Variants in USHBP1 observed in about 807,000 individuals in gnomAD.
USHBP1 encodes harmonin-binding protein USHBP1.
USHBP1 carries 67 observed loss-of-function variants against 76.2 expected under a neutral mutation model. The ratio of observed to expected loss-of-function variants is 0.88; its 90% CI spans 0.72 to 1.08. USHBP1 has a LOEUF of 1.08. Among genes scored for constraint, USHBP1 ranks in the 50% least tolerant of loss-of-function variants. The pLI, the probability that USHBP1 is intolerant of heterozygous loss-of-function variation, is 0.00. For missense variants in USHBP1, 931 were observed against 915.0 expected (o/e 1.02, Z -0.23); for synonymous variants, 322 against 362.2 (o/e 0.89, Z 1.26).
chr19:17,250,942 C>A (rs926228742), intron 12 of USHBP1, among the ~76,000 whole-genome samples: 1 of 152,048 alleles, frequency 6.6e-6, no homozygotes, highest in Non-Finnish European at 1.5e-5. Context: ...CTCACTGCAA[C>A]CTCTGCCTCC....
chr19:17,250,811 C>T (rs2073541348), intron 12 of USHBP1, among the ~76,000 whole-genome samples: 1 of 152,132 alleles, frequency 6.6e-6, no homozygotes, highest in South Asian at 2.1e-4. Flanking sequence ...GCCTCAGCCT[C>T]CCAAAGTGCT....
intron 4 of USHBP1, among the ~76,000 whole-genome samples, chr19:17,261,248 G>A (rs879851993): frequency 1.8e-4 from 27 of 151,868 alleles, no homozygotes; most frequent in African/African-American, 5.3e-4. Flanking sequence ...GGCCTCCTTC[G>A]GGTTTCTTGA....
At chr19:17,255,051 C>T (rs925535923) in intron 10 of USHBP1, among the ~76,000 whole-genome samples, 3 of 151,818 alleles carry the variant, frequency 2.0e-5, no homozygotes, top group South Asian at 2.1e-4. Flanking sequence ...TGGAGGCAGG[C>T]GAAACATTTG....
chr19:17,258,332 G>C lies in USHBP1; in HGVS notation c.1100C>G (p.Ser367Ter). ...RVLLALREAD[S>*]GAGDEAPMSD... ...CATGGGGGCTTCGTCTCCTGCTCCT[G>C]AGTCGGCCTCCCGCAGAGCAAGCAG... The change falls in exon 8 of 13, where the codon TCA becomes TGA. Residue 367 changes from serine to a stop codon, truncating the protein, a stop_gained. Coordinates refer to ENST00000252597, the MANE Select transcript of USHBP1 (RefSeq NM_031941.4). LOFTEE classifies it high-confidence loss of function. 1 of 1,614,078 alleles carries C rather than the reference G, an allele frequency of 6.2e-7. No homozygotes were observed.
Position 17,255,444 on chromosome 19 carries a change from T to G in USHBP1, c.1633A>C (p.Ser545Arg), listed in dbSNP as rs1469216612. The G allele has an allele frequency of 6.2e-7, 1 of 1,614,156 alleles. No individual in the cohort carries two copies. The highest frequency in any genetic ancestry group is 8.5e-7 in the Non-Finnish European group (1 of 1,180,004). Residue 545 changes from serine (S) to arginine (R), a missense_variant, in exon 10 of 13, where the codon AGC (serine) becomes CGC (arginine). Coordinates refer to ENST00000252597, the MANE Select transcript of USHBP1 (RefSeq NM_031941.4). ...CCTCCGCTGCTATGTCCGCCACTGC[T>G]GTTTGCCCCACCAGCCTGGAGCTCT... Reference protein sequence around the residue: ...RAELQAGGANSSGGHSSGGGS... With the variant: ...RAELQAGGANRSGGHSSGGGS...
At chr19:17,255,248 C>T in intron 10 of USHBP1, 137 bp downstream of exon 10, 1 of 973,694 alleles carries the variant, frequency 1.0e-6, no homozygotes, top group Non-Finnish European at 1.5e-6. Context: ...GCCGAGATTG[C>T]AACATTGCAT....
chr19:17,254,521 T>A (rs1306474915), intron 10 of USHBP1, among the ~76,000 whole-genome samples: 1 of 151,548 alleles, frequency 6.6e-6, no homozygotes, highest in Non-Finnish European at 1.5e-5. Context: ...CCGGGCGTGG[T>A]GGCGCGTGCC....
At chr19:17,254,466 A>C (rs1195439214) in intron 10 of USHBP1, among the ~76,000 whole-genome samples, 1 of 150,216 alleles carries the variant, frequency 6.7e-6, no homozygotes, top group Admixed American at 6.6e-5. Context: ...GACCAGCCTT[A>C]GTAACATGGG....
chr19:17,252,352 G>A (rs545180741), intron 10 of USHBP1, among the ~76,000 whole-genome samples: 1 of 152,006 alleles, frequency 6.6e-6, no homozygotes, highest in South Asian at 2.1e-4. Flanking sequence ...CATGCCACCA[G>A]ACCCGGCTAC....
rs1270225805 is a variant in USHBP1, at chr19:17,249,860, C to G, written c.*365G>C. On this transcript the variant is annotated 3_prime_UTR_variant, in exon 13 of 13. Coordinates refer to ENST00000252597, the MANE Select transcript of USHBP1 (RefSeq NM_031941.4). ...CTGCCAGGAGAAGCTCTGTCCAGTC[C>G]CCATGAATCCCTCCCTGGGCTTCGG... is the stretch of plus-strand genomic sequence containing the variant. 3.7e-6 allele frequency: 1 copy of G among 267,148 alleles called. No homozygotes were observed. The highest frequency in any genetic ancestry group is 1.3e-4 in the East Asian group (1 of 7,578). 16.5% of individuals were successfully genotyped at this position (267,148 alleles called of 1,614,324 possible).
rs2073704648 is a variant in USHBP1, at chr19:17,262,694, C to G, written c.500G>C (p.Gly167Ala). ...GCGAGCTGCCTCTCGCTGGCAGCTC[C>G]CTGCCCCTTCCTGCTTCCCAAGGGA... is the stretch of plus-strand genomic sequence containing the variant. Reference protein sequence around the residue: ...AGSLGKQEGAGSCQREAARLA... With the variant: ...AGSLGKQEGAASCQREAARLA... The change falls in exon 4 of 13, where the codon GGG becomes GCG. Residue 167 changes from glycine (G) to alanine (A), a missense_variant. By Grantham distance (60) the Gly-to-Ala change is moderately conservative. Transcript: ENST00000252597. The G allele has an allele frequency of 6.2e-7, 1 of 1,614,068 alleles. No homozygotes were observed. The highest frequency in any genetic ancestry group is 2.2e-5 in the East Asian group (1 of 44,890).
chr19:17,256,720 GC>G lies in USHBP1; in HGVS notation c.1221-1del, dbSNP rs538065578. The G allele has an allele frequency of 5.6e-6, 9 of 1,614,108 alleles. No individual in the cohort carries two copies. In the South Asian group the frequency reaches 8.8e-5, roughly 16 times the overall value. ...GCTTATCCACACTGCTGCCTTCAGGGCTATAGAAAACAGAAAAGGTGCCTAT... is the reference window on the plus strand; with the variant it reads ...GCTTATCCACACTGCTGCCTTCAGGGTATAGAAAACAGAAAAGGTGCCTAT... On this transcript the variant is annotated splice_acceptor_variant, in intron 8 of 12. Transcript: ENST00000252597. LOFTEE classifies it high-confidence loss of function.
At position 17,251,688 on chromosome 19, in the gene USHBP1, C is replaced by A; in HGVS notation, c.1816G>T (p.Glu606Ter). Reference protein sequence around the residue: ...ASLTRTLDLQEQLQSLRRELE... With the variant: ...ASLTRTLDLQ ...TCCCTGCGCAGAGACTGCAGCTGCT[C>A]CTGCAGGTCCAGTGTCCTGTTGCGA... The change falls in exon 12 of 13, where the codon GAG (glutamate) becomes TAG (stop). Residue 606 changes from glutamate (E) to a stop codon, truncating the protein, a stop_gained. Transcript: ENST00000252597. LOFTEE classifies it high-confidence loss of function. 1 of 1,613,448 alleles carries A rather than the reference C, an allele frequency of 6.2e-7. No individual in the cohort carries two copies. Among genetic ancestry groups the A allele is most frequent in the Non-Finnish European group, 8.5e-7 (1 of 1,179,998 alleles).
rs887200433 is a variant in USHBP1 at position 17,249,924 on chromosome 19, C to A, written c.*301G>T. 8.1e-6 allele frequency: 3 copies of A among 368,246 alleles called. No homozygotes were observed. Among genetic ancestry groups the A allele is most frequent in the Non-Finnish European group, 1.5e-5 (3 of 201,946 alleles). The allele number at this position is 368,246 out of a possible 1,614,324, so 22.8% of individuals were successfully genotyped here. On this transcript the variant is annotated 3_prime_UTR_variant, in exon 13 of 13. Coordinates refer to ENST00000252597, the MANE Select transcript of USHBP1 (RefSeq NM_031941.4). ...TGGAACTTCAGCTGTGGCTATGCAA[C>A]CTCACGGACCCCCGAAATGCGTCAG... is the stretch of plus-strand genomic sequence containing the variant.
rs562574825 is a variant in USHBP1, at chr19:17,249,944, C to T, written c.*281G>A. 9.3e-6 allele frequency: 4 copies of T among 432,208 alleles called. No individual in the cohort carries two copies. Among genetic ancestry groups the T allele is most frequent in the Non-Finnish European group, 1.7e-5 (4 of 241,264 alleles). 26.8% of individuals were successfully genotyped at this position (432,208 alleles called of 1,614,324 possible). ...TGCAACCTCACGGACCCCCGAAATG[C>T]GTCAGTCCCAGGGACCTGGTCCCAT... is the stretch of plus-strand genomic sequence containing the variant. On this transcript the variant is annotated 3_prime_UTR_variant, in exon 13 of 13. Coordinates refer to ENST00000252597, the MANE Select transcript of USHBP1 (RefSeq NM_031941.4).
At chr19:17,259,552 G>A in intron 6 of USHBP1, 44 bp downstream of exon 6, 3 of 1,602,244 alleles carry the variant, frequency 1.9e-6, no homozygotes, top group Middle Eastern at 1.7e-4. Context: ...CTCAGTTGGA[G>A]GAGGTGCCTG....
In USHBP1 at chr19:17,262,730, C is replaced by A; in HGVS notation, c.464G>T (p.Gly155Val). Reference sequence around the variant, plus strand: ...CTGCTTCCCAAGGGAACCTGCTCCCCCTTCGCTTGTGCCTTCGAACTCCAT... The same window carrying A: ...CTGCTTCCCAAGGGAACCTGCTCCCACTTCGCTTGTGCCTTCGAACTCCAT... ...GPMEFEGTSE[G>V]GAGSLGKQEG... The change falls in exon 4 of 13, where the codon GGG (glycine) becomes GTG (valine). Residue 155 changes from glycine (G) to valine (V), a missense_variant. Transcript: ENST00000252597. 3 of 1,614,258 alleles carry A rather than the reference C, an allele frequency of 1.9e-6. No individual in the cohort carries two copies. The highest frequency in any genetic ancestry group is 2.5e-6 in the Non-Finnish European group (3 of 1,180,048).
chr19:17,250,511 T>C (rs1364329620), intron 12 of USHBP1, 97 bp from the exon 13 acceptor site: 3 of 1,402,350 alleles, frequency 2.1e-6, no homozygotes, highest in East Asian at 2.3e-5. Context: ...CTCTTTCACA[T>C]TGGGTCTCCA....
chr19:17,262,584 T>G lies in USHBP1; in HGVS notation c.610A>C (p.Ile204Leu), dbSNP rs368680969. Residue 204 changes from isoleucine to leucine, a missense_variant, in exon 4 of 13, where the codon ATC becomes CTC. Transcript: ENST00000252597. Reference protein sequence around the residue: ...LVRTQASLEAIRAEKETLQKE... With the variant: ...LVRTQASLEALRAEKETLQKE... ...TGCAGCGTCTCCTTCTCAGCTCGGATGGCCTCCAGGGAGGCCTGCGTGCGG... is the reference window on the plus strand; with the variant it reads ...TGCAGCGTCTCCTTCTCAGCTCGGAGGGCCTCCAGGGAGGCCTGCGTGCGG... The G allele has an allele frequency of 3.1e-6, 5 of 1,610,742 alleles. No homozygotes were observed. Among genetic ancestry groups the G allele is most frequent in the Non-Finnish European group, 3.4e-6 (4 of 1,177,790 alleles).
Sources: gnomAD v4.1 joint callset for allele counts (sites outside exome capture counted in the v4.1 genomes callset) on GRCh38, gnomAD v4.1.1 for gene constraint, MANE v1.5 for transcripts, NCBI Gene and HGNC (gene_info 2026-07-23, HGNC 2026-07-21) for gene names.